CELF2: variants seen among roughly 807,000 people sequenced by gnomAD.
The protein encoded by CELF2 is CUG triplet repeat RNA-binding protein 2.
A neutral mutation model predicts 62.6 loss-of-function variants in CELF2; 8 were observed. That is an observed-to-expected ratio of 0.13 (90% CI 0.07 to 0.23). CELF2 has a LOEUF of 0.23. Ranked by LOEUF, CELF2 falls within the 10% of genes least tolerant of loss-of-function variation. CELF2 has a pLI of 1.00. For missense variants in CELF2, 333 were observed against 671.0 expected, an observed-to-expected ratio of 0.50 and a Z score of 5.56; for synonymous variants, 258 against 250.0, an observed-to-expected ratio of 1.03 and a Z score of -0.30.
intron 1 of CELF2, among the ~76,000 whole-genome samples, chr10:10,846,959 G>C (rs980828716): frequency 6.6e-6 from 1 of 151,998 alleles, no homozygotes; most frequent in Admixed American, 6.6e-5. Context: ...CATACCTGCC[G>C]GCCTAAGGTT....
chr10:11,063,965 G>C (rs2067437478), intron 1 of CELF2, among the ~76,000 whole-genome samples: 1 of 152,162 alleles, frequency 6.6e-6, no homozygotes, highest in African/African-American at 2.4e-5. Flanking sequence ...GGAGTGTGCT[G>C]TTTATCGGTG....
chr10:10,733,740 C>T, the CELF2 span, among the ~76,000 whole-genome samples: 1 of 152,124 alleles, frequency 6.6e-6, no homozygotes, highest in Non-Finnish European at 1.5e-5. Context: ...GACTTATTCA[C>T]TACCATGAGA....
chr10:11,301,632 G>A (rs550312766), intron 9 of CELF2, among the ~76,000 whole-genome samples: 121 of 149,266 alleles, frequency 8.1e-4, no homozygotes, highest in Non-Finnish European at 1.3e-3. Context: ...CAGAGTGGCG[G>A]CCTGGGAGCT....
At chr10:10,839,032 G>C (rs894005961) in intron 1 of CELF2, among the ~76,000 whole-genome samples, 7 of 152,142 alleles carry the variant, frequency 4.6e-5, no homozygotes, top group African/African-American at 1.7e-4. Flanking sequence ...TGTAGTCCCA[G>C]CTACTCAGGA....
At chr10:10,785,044 A>G in the CELF2 span, among the ~76,000 whole-genome samples, 2 of 152,262 alleles carry the variant, frequency 1.3e-5, no homozygotes, top group Non-Finnish European at 2.9e-5. Flanking sequence ...TTTCAAGTCA[A>G]GTTCCATTAA....
the CELF2 span, among the ~76,000 whole-genome samples, chr10:10,566,529 T>A: frequency 9.3e-5 from 14 of 151,130 alleles, no homozygotes; most frequent in Admixed American, 6.6e-4. Context: ...TAACTCGTCA[T>A]CTAGCATTAG....
chr10:10,925,808 G>A (rs1340416450), intron 2 of CELF2, among the ~76,000 whole-genome samples: 1 of 151,906 alleles, frequency 6.6e-6, no homozygotes, highest in East Asian at 1.9e-4. Context: ...CAAACCCTCT[G>A]GCCTAAGTGA....
At chr10:10,579,561 A>T in the CELF2 span, among the ~76,000 whole-genome samples, 1 of 152,112 alleles carries the variant, frequency 6.6e-6, no homozygotes, top group Non-Finnish European at 1.5e-5. Context: ...ATAGATACAG[A>T]TGTATAAATA....
At chr10:10,672,034 T>C in the CELF2 span, among the ~76,000 whole-genome samples, 1 of 152,220 alleles carries the variant, frequency 6.6e-6, no homozygotes, top group Non-Finnish European at 1.5e-5. Context: ...CCAGCCTGTA[T>C]GTCTTCTTAA....
chr10:11,016,372 T>C (rs1287223422), upstream of CELF2, among the ~76,000 whole-genome samples: 1 of 152,212 alleles, frequency 6.6e-6, no homozygotes, highest in Non-Finnish European at 1.5e-5. The surrounding 1 kb of genome is among the most constrained non-coding windows in gnomAD (Gnocchi z 5.2). Context: ...AGTTTAGCCC[T>C]ACATCTAATG....
chr10:10,897,406 T>C (rs1203339087), intron 1 of CELF2, among the ~76,000 whole-genome samples: 1 of 152,024 alleles, frequency 6.6e-6, no homozygotes, highest in East Asian at 1.9e-4. Flanking sequence ...AAGAAAAATG[T>C]AGAAAATGTG....
chr10:11,070,056 A>G (rs1335085071), intron 1 of CELF2, among the ~76,000 whole-genome samples: 1 of 152,244 alleles, frequency 6.6e-6, no homozygotes, highest in Non-Finnish European at 1.5e-5. Context: ...TTAAGTTATC[A>G]CTAATGTTTC....
At chr10:10,693,735 C>T in the CELF2 span, among the ~76,000 whole-genome samples, 1 of 151,338 alleles carries the variant, frequency 6.6e-6, no homozygotes, top group Non-Finnish European at 1.5e-5. Flanking sequence ...CTGGTTTAGT[C>T]TTGGGAGAGT....
the CELF2 span, among the ~76,000 whole-genome samples, chr10:10,508,457 C>G: frequency 6.6e-6 from 1 of 152,192 alleles, no homozygotes; most frequent in South Asian, 2.1e-4. Flanking sequence ...CAACCTACAT[C>G]AGAGAGCCTC....
the CELF2 span, among the ~76,000 whole-genome samples, chr10:10,466,268 G>C: frequency 6.6e-6 from 1 of 152,062 alleles, no homozygotes; most frequent in Non-Finnish European, 1.5e-5. Context: ...TGTCACTATA[G>C]ATTAATTTAC....
intron 1 of CELF2, among the ~76,000 whole-genome samples, chr10:11,133,981 G>C (rs2060008829): frequency 6.6e-6 from 1 of 152,184 alleles, no homozygotes; most frequent in African/African-American, 2.4e-5. Flanking sequence ...TCTTTCGTTT[G>C]TCACAAATAG....
chr10:10,585,137 C>T, the CELF2 span, among the ~76,000 whole-genome samples: 1 of 152,134 alleles, frequency 6.6e-6, no homozygotes, highest in Admixed American at 6.6e-5. Flanking sequence ...TGAATATTCT[C>T]AGTAAGATGC....
intron 1 of CELF2, among the ~76,000 whole-genome samples, chr10:11,070,520 C>T (rs548829384): frequency 6.6e-6 from 1 of 152,244 alleles, no homozygotes; most frequent in South Asian, 2.1e-4. Flanking sequence ...CAGGACTGGG[C>T]CTGGTGAGAA....
the CELF2 span, among the ~76,000 whole-genome samples, chr10:10,500,541 A>C: frequency 4.6e-5 from 7 of 152,300 alleles, no homozygotes; most frequent in East Asian, 1.2e-3. Context: ...GCCTGCCGCC[A>C]TGTAAGACAT....
Sources: gnomAD v4.1 joint callset for allele counts (sites outside exome capture counted in the v4.1 genomes callset) on GRCh38, gnomAD v4.1.1 for gene constraint, Gnocchi (gnomAD v3.1) non-coding constraint, MANE v1.5 for transcripts, NCBI Gene and HGNC (gene_info 2026-07-23, HGNC 2026-07-21) for gene names.